Variants in NUDCD1 observed in about 807,000 individuals in gnomAD.
NUDCD1 encodes the protein NudC domain containing 1.
Under a neutral mutation model 67.8 loss-of-function variants are expected in NUDCD1, and 60 were observed. The ratio of observed to expected loss-of-function variants is 0.88; its 90% CI spans 0.72 to 1.10. The LOEUF is 1.10. Among genes scored for constraint, NUDCD1 ranks in the 50% least tolerant of loss-of-function variants. The probability of loss-of-function intolerance (pLI) is 0.00; values close to 1 mark genes in which losing one functional copy is unlikely to be tolerated. For synonymous variants in NUDCD1, 244 were observed against 230.8 expected, an observed-to-expected ratio of 1.06 and a Z score of -0.52; for missense variants, 643 against 695.0, an observed-to-expected ratio of 0.93 and a Z score of 0.84.
chr8:109,309,878 AAAAC>A (rs1022031614), intron 2 of NUDCD1, among the ~76,000 whole-genome samples: 9 of 150,304 alleles, frequency 6.0e-5, no homozygotes, highest in East Asian at 2.0e-4. Context: ...AAAAAAAAAC[AAAAC>A]AAACAAACAA....
rs186559757 is a variant in NUDCD1 at position 109,285,762 on chromosome 8, G to T, written c.823+3989C>A. Among the ~76,000 whole-genome samples, 719 of 152,190 alleles carry T rather than the reference G, an allele frequency of 4.7e-3. 5 individuals are homozygous for T. The highest frequency in any genetic ancestry group is 0.024 in the Middle Eastern group (7 of 294). On this transcript the variant is annotated intron_variant, in intron 5 of 9. Transcript: ENST00000239690. Reference sequence around the variant, plus strand: ...TTGAGAACTGAAACAAGAAAAGCATGCTTACTCTTACTGCTCCTATTCAAC... The same window carrying T: ...TTGAGAACTGAAACAAGAAAAGCATTCTTACTCTTACTGCTCCTATTCAAC...
At chr8:109,320,070 G>C (rs1815496916) in intron 2 of NUDCD1, among the ~76,000 whole-genome samples, 1 of 152,188 alleles carries the variant, frequency 6.6e-6, no homozygotes, top group Non-Finnish European at 1.5e-5. Context: ...CACAAGGCAA[G>C]TAGAGGCAGG....
intron 4 of NUDCD1, among the ~76,000 whole-genome samples, chr8:109,291,334 G>A (rs770220062): frequency 2.6e-5 from 4 of 152,100 alleles, no homozygotes; most frequent in South Asian, 4.2e-4. Context: ...TTGTAGAGAC[G>A]GTGGCTCACT....
At chr8:109,243,768 T>C (rs1028012980) in intron 9 of NUDCD1, among the ~76,000 whole-genome samples, 1 of 152,178 alleles carries the variant, frequency 6.6e-6, no homozygotes, top group Non-Finnish European at 1.5e-5. Flanking sequence ...CTGTTCATAA[T>C]GTATCCCTGA....
At chr8:109,271,418 A>G (rs1814154491) in intron 7 of NUDCD1, among the ~76,000 whole-genome samples, 1 of 152,216 alleles carries the variant, frequency 6.6e-6, no homozygotes, top group East Asian at 1.9e-4. Context: ...TTCTGGATAT[A>G]AAAACACAAA....
intron 8 of NUDCD1, among the ~76,000 whole-genome samples, chr8:109,248,714 GAA>G (rs78072773): frequency 2.0e-4 from 20 of 99,962 alleles, no homozygotes; most frequent in Admixed American, 4.2e-4. Flanking sequence ...CCACTGTTTG[GAA>G]AAAAAAAAAA....
chr8:109,327,713 G>C (rs998944515), intron 1 of NUDCD1, among the ~76,000 whole-genome samples: 3 of 152,152 alleles, frequency 2.0e-5, no homozygotes, highest in African/African-American at 7.2e-5. Flanking sequence ...TTCCCACACA[G>C]GTGTTTATGA....
intron 2 of NUDCD1, among the ~76,000 whole-genome samples, chr8:109,318,865 T>C (rs1815465798): frequency 6.6e-6 from 1 of 152,042 alleles, no homozygotes; most frequent in Non-Finnish European, 1.5e-5. Context: ...TCAACAAATA[T>C]ACTGATCAAG....
chr8:109,273,401 T>C (rs1308186182), intron 7 of NUDCD1, among the ~76,000 whole-genome samples: 1 of 152,172 alleles, frequency 6.6e-6, no homozygotes, highest in Non-Finnish European at 1.5e-5. Flanking sequence ...GGCAAAAATT[T>C]AGAGAATGCA....
chr8:109,246,179 C>G (rs1813492175), intron 8 of NUDCD1, among the ~76,000 whole-genome samples: 1 of 152,124 alleles, frequency 6.6e-6, no homozygotes, highest in Non-Finnish European at 1.5e-5. Context: ...ATATAAAGCA[C>G]CAATTTTATA....
At chr8:109,300,167 G>A (rs758269794) in intron 2 of NUDCD1, among the ~76,000 whole-genome samples, 9 of 152,134 alleles carry the variant, frequency 5.9e-5, no homozygotes, top group East Asian at 1.9e-4. Context: ...AGAAAATCAA[G>A]TCTGGTAATA....
At chr8:109,325,966 T>C (rs1224520286) in intron 1 of NUDCD1, among the ~76,000 whole-genome samples, 2 of 152,198 alleles carry the variant, frequency 1.3e-5, no homozygotes, top group African/African-American at 2.4e-5. Context: ...TGAGGAAACA[T>C]ATAACACCAC....
chr8:109,272,764 T>C (rs2129956901), intron 7 of NUDCD1, among the ~76,000 whole-genome samples: 1 of 152,258 alleles, frequency 6.6e-6, no homozygotes, highest in South Asian at 2.1e-4. Flanking sequence ...CATGTGTCCA[T>C]GTCCCAGCTG....
At chr8:109,247,955 G>A (rs1813536499) in intron 8 of NUDCD1, among the ~76,000 whole-genome samples, 1 of 152,096 alleles carries the variant, frequency 6.6e-6, no homozygotes, top group Non-Finnish European at 1.5e-5. Flanking sequence ...ATAGCAAAAG[G>A]GACTTTGTAG....
chr8:109,242,008 A>AT lies in NUDCD1; in HGVS notation c.*1000dup. On this transcript the variant is annotated 3_prime_UTR_variant, in exon 10 of 10. Transcript: ENST00000239690. Reference sequence around the variant, plus strand: ...GAAACTATAACATATAAACAGGATTATTTTGTTGAAGTTGTTAGAAAAATA... The same window carrying AT: ...GAAACTATAACATATAAACAGGATTATTTTTGTTGAAGTTGTTAGAAAAATA... The AT allele has an allele frequency of 5.0e-6, 2 of 397,770 alleles. No homozygotes were observed. The highest frequency in any genetic ancestry group is 8.9e-6 in the Non-Finnish European group (2 of 225,418). 24.6% of individuals were successfully genotyped at this position (397,770 alleles called of 1,614,324 possible).
At chr8:109,243,428 A>G in intron 9 of NUDCD1, 127 bp from the exon 10 acceptor site, 1 of 652,986 alleles carries the variant, frequency 1.5e-6, no homozygotes, top group South Asian at 2.7e-5. Flanking sequence ...AATATATACC[A>G]TAAGGTATAT....
chr8:109,322,985 G>T (rs528264924), intron 1 of NUDCD1, among the ~76,000 whole-genome samples: 1 of 152,158 alleles, frequency 6.6e-6, no homozygotes, highest in East Asian at 1.9e-4. Flanking sequence ...TTTTCCAAGG[G>T]TACAGAGCAA....
chr8:109,289,053 A>C lies in NUDCD1; in HGVS notation c.823+698T>G, dbSNP rs575675688. On this transcript the variant is annotated intron_variant, in intron 5 of 9. Transcript: ENST00000239690. ...TGCAGTGGCACAATCCTGGCTCACAACAACCTCTGCCTCCTGGGTTCAAGT... is the reference window on the plus strand; with the variant it reads ...TGCAGTGGCACAATCCTGGCTCACACCAACCTCTGCCTCCTGGGTTCAAGT... Among the ~76,000 whole-genome samples the C allele has an allele frequency of 1.6e-4, 25 of 151,866 alleles. No homozygotes were observed. The South Asian group carries it at 5.2e-3, about 32-fold the overall frequency.
At chr8:109,247,603 G>T (rs1345092054) in intron 8 of NUDCD1, among the ~76,000 whole-genome samples, 1 of 152,160 alleles carries the variant, frequency 6.6e-6, no homozygotes, top group Non-Finnish European at 1.5e-5. Context: ...GTCAAGTGTT[G>T]TTAATTGTGA....
Sources: allele counts gnomAD v4.1 joint callset (sites outside exome capture counted in the v4.1 genomes callset), GRCh38; gene constraint gnomAD v4.1.1; transcripts MANE v1.5; gene names NCBI Gene and HGNC (gene_info 2026-07-23, HGNC 2026-07-21).